Variants in TNS3 observed in about 807,000 individuals in gnomAD.
TNS3 encodes tensin-3.
TNS3 carries 45 observed loss-of-function variants against 140.9 expected under a neutral mutation model. The ratio of observed to expected loss-of-function variants is 0.32; its 90% CI spans 0.25 to 0.41. The LOEUF (loss-of-function observed/expected upper bound fraction) is 0.41. Among genes scored for constraint, TNS3 ranks in the 10% least tolerant of loss-of-function variants. The pLI is 1.00. For missense variants in TNS3, 1,716 were observed against 1,906.7 expected (o/e 0.90, Z 1.86); for synonymous variants, 815 against 788.4 (o/e 1.03, Z -0.56).
chr7:47,394,052 C>G (rs1378477650), intron 16 of TNS3, among the ~76,000 whole-genome samples: 1 of 152,204 alleles, frequency 6.6e-6, no homozygotes, highest in Admixed American at 6.5e-5. Flanking sequence ...CACCTGCTCA[C>G]ACCACTGGCT....
intron 20 of TNS3, among the ~76,000 whole-genome samples, chr7:47,326,093 C>G (rs1464920): frequency 0.28 from 42,075 of 152,038 alleles, 6,095 homozygotes; most frequent in South Asian, 0.34. Context: ...GCTCTTGGGA[C>G]TGTTGTAAAA....
intron 17 of TNS3, among the ~76,000 whole-genome samples, chr7:47,352,121 TCACA>T (rs951214112): frequency 5.4e-5 from 8 of 149,044 alleles, no homozygotes; most frequent in South Asian, 2.1e-4. Context: ...TCTTAGTCTC[TCACA>T]CACTCTTACA....
chr7:47,541,480 A>G (rs1562844675), intron 1 of TNS3, among the ~76,000 whole-genome samples: 1 of 152,128 alleles, frequency 6.6e-6, no homozygotes, highest in Non-Finnish European at 1.5e-5. Flanking sequence ...GCCAGAAAGT[A>G]AGACAGTGCT....
At chr7:47,543,200 T>A (rs1378947283) in intron 1 of TNS3, among the ~76,000 whole-genome samples, 1 of 152,178 alleles carries the variant, frequency 6.6e-6, no homozygotes, top group Non-Finnish European at 1.5e-5. Context: ...CAGCTTGTGC[T>A]CCATCCGAAA....
intron 1 of TNS3, among the ~76,000 whole-genome samples, chr7:47,574,984 G>T (rs1046001292): frequency 2.6e-5 from 4 of 152,054 alleles, no homozygotes; most frequent in African/African-American, 9.7e-5. Context: ...CCTAACTGCC[G>T]CAGTTAAACA....
intron 16 of TNS3, among the ~76,000 whole-genome samples, chr7:47,375,488 C>T (rs190108406): frequency 4.0e-4 from 61 of 152,332 alleles, no homozygotes; most frequent in African/African-American, 1.4e-3. Context: ...ACATTCTTGT[C>T]TCCTTGGAGG....
intron 2 of TNS3, among the ~76,000 whole-genome samples, chr7:47,507,315 CA>C (rs1370531225): frequency 1.3e-5 from 2 of 152,164 alleles, no homozygotes; most frequent in African/African-American, 4.8e-5. Flanking sequence ...TGAATTTCAG[CA>C]GCAGAATGCA....
chr7:47,358,535 A>C (rs898850522), intron 17 of TNS3, among the ~76,000 whole-genome samples: 1 of 152,156 alleles, frequency 6.6e-6, no homozygotes, highest in South Asian at 2.1e-4. Flanking sequence ...TGCGCTGAAC[A>C]TAAGTGTGGC....
At chr7:47,328,509 C>T (rs930269100) in intron 20 of TNS3, among the ~76,000 whole-genome samples, 1 of 147,266 alleles carries the variant, frequency 6.8e-6, no homozygotes, top group African/African-American at 2.5e-5. Context: ...CAAAATCAAA[C>T]CCCCATTCCC....
At chr7:47,300,071 T>A (rs1786302095) in intron 23 of TNS3, among the ~76,000 whole-genome samples, 1 of 152,226 alleles carries the variant, frequency 6.6e-6, no homozygotes, top group East Asian at 1.9e-4. Flanking sequence ...AGGAATTAAG[T>A]ATGTGACAAA....
At chr7:47,281,622 A>T (rs1203225095) in intron 28 of TNS3, among the ~76,000 whole-genome samples, 3 of 152,206 alleles carry the variant, frequency 2.0e-5, no homozygotes, top group African/African-American at 7.2e-5. Flanking sequence ...GTCTAGAATT[A>T]GCCAGTCTGA....
In TNS3 at chr7:47,462,701, G is replaced by C. The variant is rs978095744; in HGVS notation, c.-76+18402C>G. Among the ~76,000 whole-genome samples the C allele has an allele frequency of 3.9e-5, 6 of 152,220 alleles. No homozygotes were observed. In the East Asian group the frequency reaches 1.2e-3, roughly 29 times the overall value. On this transcript the variant is annotated intron_variant, in intron 4 of 30. Transcript: ENST00000311160. ...GCCATTTGCAGCAAGGGGAGTGCTA[G>C]GACACAGGCCAGGTCTGTCTTAGCT...
intron 16 of TNS3, among the ~76,000 whole-genome samples, chr7:47,390,768 T>C (rs1210525769): frequency 3.3e-5 from 5 of 152,260 alleles, no homozygotes; most frequent in Middle Eastern, 3.4e-3. Flanking sequence ...AAATCTGTCA[T>C]AGAGTCTCAC....
At chr7:47,379,563 C>T (rs1057511570) in intron 16 of TNS3, among the ~76,000 whole-genome samples, 1 of 151,662 alleles carries the variant, frequency 6.6e-6, no homozygotes, top group Non-Finnish European at 1.5e-5. Flanking sequence ...TTTCAAGACG[C>T]GATGAAATGT....
chr7:47,431,653 C>T (rs993343902), intron 8 of TNS3, among the ~76,000 whole-genome samples: 1 of 152,030 alleles, frequency 6.6e-6, no homozygotes, highest in Non-Finnish European at 1.5e-5. Context: ...ACAAACTAAA[C>T]CCCAAATTAG....
At chr7:47,453,742 C>T (rs549119962) in intron 4 of TNS3, among the ~76,000 whole-genome samples, 25 of 152,302 alleles carry the variant, frequency 1.6e-4, no homozygotes, top group South Asian at 1.2e-3. Flanking sequence ...AGTTACAAAA[C>T]GGGAGATGGA....
In TNS3 at chr7:47,491,527, G is replaced by A. The variant is rs1276059997; in HGVS notation, c.-114-10386C>T. On this transcript the variant is annotated intron_variant, in intron 3 of 30. Coordinates refer to ENST00000311160, the MANE Select transcript of TNS3 (RefSeq NM_022748.12). ...ATCAAATATACACTGTCAGATTGGA[G>A]TGAGGGTGAAAGGGGACCCCACGGC... is the stretch of plus-strand genomic sequence containing the variant. Among the ~76,000 whole-genome samples, 3 of 152,186 alleles carry A rather than the reference G, an allele frequency of 2.0e-5. No homozygotes were observed. In the East Asian group the frequency reaches 5.8e-4, roughly 29 times the overall value.
intron 20 of TNS3, among the ~76,000 whole-genome samples, chr7:47,326,848 G>A (rs1408485438): frequency 6.6e-6 from 1 of 152,190 alleles, no homozygotes; most frequent in Non-Finnish European, 1.5e-5. Flanking sequence ...AGGGATACTG[G>A]GCAAGATTTT....
intron 16 of TNS3, among the ~76,000 whole-genome samples, chr7:47,393,150 T>C (rs1178662947): frequency 6.6e-6 from 1 of 152,192 alleles, no homozygotes; most frequent in Non-Finnish European, 1.5e-5. Context: ...TTACATGATA[T>C]TTAGAAATCA....
Sources: gnomAD v4.1 joint callset for allele counts (sites outside exome capture counted in the v4.1 genomes callset) on GRCh38, gnomAD v4.1.1 for gene constraint, MANE v1.5 for transcripts, NCBI Gene and HGNC (gene_info 2026-07-23, HGNC 2026-07-21) for gene names.